RORB: variants seen among roughly 807,000 people sequenced by gnomAD.
RORB encodes the protein nuclear receptor ROR-beta.
In RORB, 6 loss-of-function variants were observed where a neutral mutation model predicts 59.1. The observed-to-expected ratio is 0.10, with a 90% CI of 0.06 to 0.20. The LOEUF is 0.20. RORB is among the 10% of genes least tolerant of loss of function. The probability of loss-of-function intolerance (pLI) is 1.00; values close to 1 mark genes in which losing one functional copy is unlikely to be tolerated. For synonymous variants in RORB, 215 were observed against 204.5 expected (o/e 1.05, Z -0.44); for missense variants, 320 against 560.5 (o/e 0.57, Z 4.33).
intron 1 of RORB, among the ~76,000 whole-genome samples, chr9:74,510,651 G>A (rs1169882454): frequency 6.6e-6 from 1 of 152,150 alleles, no homozygotes; most frequent in Non-Finnish European, 1.5e-5. Context: ...GTATGAATAG[G>A]AATGTGTCCA....
chr9:74,600,088 C>T (rs895411250), intron 1 of RORB, among the ~76,000 whole-genome samples: 3 of 152,142 alleles, frequency 2.0e-5, no homozygotes, highest in Non-Finnish European at 2.9e-5. Flanking sequence ...AATAATGACA[C>T]TTAGGGCCGC....
rs555646801 is a variant in RORB at position 74,597,967 on chromosome 9, A to AT, written c.8-32315_8-32314insT. 1.0e-3 allele frequency among the ~76,000 whole-genome samples: 154 copies of AT among 152,304 alleles called. 4 individuals are homozygous for AT. The South Asian group carries it at 0.011, about 10-fold the overall frequency. On this transcript the variant is annotated intron_variant, in intron 1 of 9. Coordinates refer to ENST00000376896, the MANE Select transcript of RORB (RefSeq NM_006914.4). ...CAGTGAAACTCTGTCTCAAAAAAAA[A>AT]AAAATTATATTGGTTACATGCTGAA...
intron 1 of RORB, among the ~76,000 whole-genome samples, chr9:74,507,834 G>A (rs1402272452): frequency 3.3e-5 from 5 of 151,986 alleles, no homozygotes; most frequent in Non-Finnish European, 7.4e-5. Flanking sequence ...AAAGAAAGGA[G>A]AAGAAACCTT....
At chr9:74,568,183 G>A (rs995501727) in intron 1 of RORB, among the ~76,000 whole-genome samples, 1 of 151,822 alleles carries the variant, frequency 6.6e-6, no homozygotes, top group Non-Finnish European at 1.5e-5. Flanking sequence ...ATTCCGTACT[G>A]GACAACACTC....
At chr9:74,521,752 T>TA (rs1336062939) in intron 1 of RORB, among the ~76,000 whole-genome samples, 1 of 151,808 alleles carries the variant, frequency 6.6e-6, no homozygotes, top group East Asian at 1.9e-4. Flanking sequence ...GTTTTATCCC[T>TA]ATCACTGAAT....
chr9:74,690,706 C>T lies in RORB; in HGVS notation c.*5088C>T, dbSNP rs1021568383. ...GGATGGAGATCTTCCCCTTCTAATA[C>T]TCAATTTTGTTTTGGTATTTGATTG... On this transcript the variant is annotated 3_prime_UTR_variant, in exon 10 of 10. Coordinates refer to ENST00000376896, the MANE Select transcript of RORB (RefSeq NM_006914.4). 2 of 152,124 alleles carry T rather than the reference C, an allele frequency of 1.3e-5. No homozygotes were observed. Among genetic ancestry groups the T allele is most frequent in the Admixed American group, 6.5e-5 (1 of 15,268 alleles). 9.4% of individuals were successfully genotyped at this position (152,124 alleles called of 1,614,324 possible). A position where few individuals can be genotyped will look rare whatever the true frequency, so the allele number is the denominator to read the frequency against.
intron 1 of RORB, among the ~76,000 whole-genome samples, chr9:74,503,728 A>T (rs536903302): frequency 6.6e-6 from 1 of 152,208 alleles, no homozygotes; most frequent in East Asian, 1.9e-4. Flanking sequence ...AATTTGAAGG[A>T]TGTCTCCTTT....
Position 74,685,555 on chromosome 9 carries a change from T to C in RORB, c.1317T>C (p.Asn439=). 1.2e-6 allele frequency: 2 copies of C among 1,613,122 alleles called. No homozygotes were observed. The highest frequency in any genetic ancestry group is 2.2e-5 in the East Asian group (1 of 44,864). Residue 439 remains asparagine (N), a synonymous_variant, in exon 10 of 10, where the codon AAT becomes AAC. Transcript: ENST00000376896. The stretch of plus-strand genomic sequence containing the variant: ...AGCAATCTCATCCAGAGATAGTGAA[T>C]ACACTGTTTCCTCCGTTATACAAGG... The part of the protein sequence containing the change: ...VFKQSHPEIV[N]TLFPPLYKEL...
chr9:74,594,024 A>G (rs1822938255), intron 1 of RORB, among the ~76,000 whole-genome samples: 1 of 152,200 alleles, frequency 6.6e-6, no homozygotes, highest in Admixed American at 6.5e-5. Context: ...CCATGCAAAG[A>G]GCCTCCAGTA....
At chr9:74,658,478 G>T (rs1824126652) in intron 4 of RORB, among the ~76,000 whole-genome samples, 1 of 151,622 alleles carries the variant, frequency 6.6e-6, no homozygotes, top group Non-Finnish European at 1.5e-5. Context: ...TTGGCCAACA[G>T]TTCCAGGCAG....
At chr9:74,676,461 G>A (rs1414185238) in intron 9 of RORB, among the ~76,000 whole-genome samples, 5 of 152,232 alleles carry the variant, frequency 3.3e-5, no homozygotes, top group African/African-American at 4.8e-5. Context: ...CAGGCTTAGA[G>A]AGGATGTTGC....
At chr9:74,635,757 C>T (rs753974243) in intron 3 of RORB, among the ~76,000 whole-genome samples, 8 of 152,056 alleles carry the variant, frequency 5.3e-5, no homozygotes, top group Non-Finnish European at 1.0e-4. Flanking sequence ...GGCCTCTGGT[C>T]GCACTCCCTC....
chr9:74,523,400 T>G (rs564511330), intron 1 of RORB, among the ~76,000 whole-genome samples: 4 of 151,898 alleles, frequency 2.6e-5, no homozygotes, highest in Non-Finnish European at 4.4e-5. Flanking sequence ...TTTAAATAGC[T>G]CCACCTTTAG....
At chr9:74,563,184 C>CTTT (rs766404071) in intron 1 of RORB, among the ~76,000 whole-genome samples, 30 of 127,082 alleles carry the variant, frequency 2.4e-4, no homozygotes, top group Non-Finnish European at 3.3e-4. Context: ...TCTCTTCAGT[C>CTTT]TTTTTTTTTT....
At chr9:74,507,435 G>A (rs1825884615) in intron 1 of RORB, among the ~76,000 whole-genome samples, 1 of 152,004 alleles carries the variant, frequency 6.6e-6, no homozygotes. Context: ...ATGAAAATTA[G>A]TGAAACCAGT....
chr9:74,517,989 C>A (rs940079532), intron 1 of RORB, among the ~76,000 whole-genome samples: 2 of 151,968 alleles, frequency 1.3e-5, no homozygotes, highest in Admixed American at 6.6e-5. Flanking sequence ...GAGGTTAAGT[C>A]ATTTGTCCAA....
At chr9:74,638,908 A>T (rs1039863502) in intron 3 of RORB, among the ~76,000 whole-genome samples, 5 of 152,186 alleles carry the variant, frequency 3.3e-5, no homozygotes, top group African/African-American at 1.2e-4. Context: ...ATAACTCTAA[A>T]ATGTAGTAGT....
rs1824625149 is a variant in RORB at position 74,685,480 on chromosome 9, A to G, written c.1242A>G (p.Pro414=). The part of the protein sequence containing the change: ...ETLAKLIAKI[P]TITAVCNLHG... ...TTCTGCAGTTAATAGCCAAGATACC[A>G]ACCATCACGGCAGTTTGCAACTTGC... Residue 414 remains proline (P), a synonymous_variant, in exon 10 of 10, where the codon CCA becomes CCG. Coordinates refer to ENST00000376896, the MANE Select transcript of RORB (RefSeq NM_006914.4). The G allele has an allele frequency of 3.7e-6, 6 of 1,611,826 alleles. No homozygotes were observed. Among genetic ancestry groups the G allele is most frequent in the Non-Finnish European group, 5.1e-6 (6 of 1,178,496 alleles).
At chr9:74,588,432 C>G (rs1264804397) in intron 1 of RORB, among the ~76,000 whole-genome samples, 1 of 151,996 alleles carries the variant, frequency 6.6e-6, no homozygotes, top group Non-Finnish European at 1.5e-5. Flanking sequence ...TTTTGATGTT[C>G]GCCTTAAAAG....
Sources: allele counts gnomAD v4.1 joint callset (sites outside exome capture counted in the v4.1 genomes callset), GRCh38; gene constraint gnomAD v4.1.1; transcripts MANE v1.5; gene names NCBI Gene and HGNC (gene_info 2026-07-23, HGNC 2026-07-21).